The following NT5C3A variants were observed in gnomAD, a reference collection of about 807,000 sequenced individuals.
The protein encoded by NT5C3A is cytosolic 5'-nucleotidase 3A.
In NT5C3A, 23 loss-of-function variants were observed where a neutral mutation model predicts 40.0. That is an observed-to-expected ratio of 0.58 (90% CI 0.41 to 0.81). The LOEUF (loss-of-function observed/expected upper bound fraction) is 0.81, where lower values mean the gene tolerates loss of function less well. NT5C3A is among the 40% of genes least tolerant of loss of function. NT5C3A has a pLI of 0.00. For synonymous variants in NT5C3A, 130 were observed against 141.4 expected, an observed-to-expected ratio of 0.92 and a Z score of 0.57; for missense variants, 328 against 403.0, an observed-to-expected ratio of 0.81 and a Z score of 1.59.
chr7:33,048,062 A>T (rs1787224430), intron 1 of NT5C3A, among the ~76,000 whole-genome samples: 1 of 151,982 alleles, frequency 6.6e-6, no homozygotes, highest in African/African-American at 2.4e-5. Flanking sequence ...GTATTTAAAT[A>T]AACTTTTAGA....
At position 33,062,725 on chromosome 7, in the gene NT5C3A, G is replaced by A. The variant is rs1225527844; in HGVS notation, c.-20C>T. On this transcript the variant is annotated 5_prime_UTR_variant, in exon 1 of 9. It adds an upstream start codon to the 5' untranslated region. Transcript: ENST00000610140. ...GTCCATGGACGGGGCCCTCATGCGC[G>A]TCCAAGCAGGAAAAAAACAGGCAGC... 1.7e-5 allele frequency: 26 copies of A among 1,553,062 alleles called. No individual in the cohort carries two copies. Among genetic ancestry groups the A allele is most frequent in the Non-Finnish European group, 2.1e-5 (24 of 1,148,564 alleles).
intron 1 of NT5C3A, among the ~76,000 whole-genome samples, chr7:33,032,544 C>G (rs1162656094): frequency 6.6e-6 from 1 of 151,698 alleles, no homozygotes; most frequent in Non-Finnish European, 1.5e-5. Flanking sequence ...GCAACTTTCC[C>G]TCCTGGGCTC....
chr7:33,016,016 C>T (rs969227185), intron 7 of NT5C3A, 146 bp from the exon 8 acceptor site: 84 of 656,142 alleles, frequency 1.3e-4, no homozygotes, highest in Middle Eastern at 4.1e-4. Flanking sequence ...GCACTTAAGT[C>T]CATCACATTC....
intron 1 of NT5C3A, among the ~76,000 whole-genome samples, chr7:33,032,576 C>T (rs890866618): frequency 1.3e-5 from 2 of 151,630 alleles, no homozygotes; most frequent in African/African-American, 4.8e-5. Flanking sequence ...CCACCTCAGA[C>T]TCTCAAGTAA....
At chr7:33,039,557 TTTTTG>T (rs1243821124) in intron 1 of NT5C3A, among the ~76,000 whole-genome samples, 2 of 138,690 alleles carry the variant, frequency 1.4e-5, no homozygotes, top group Non-Finnish European at 3.1e-5. Flanking sequence ...AAGCTTGGGT[TTTTTG>T]TTTTTTTTTT....
At chr7:33,045,047 C>A (rs539457944) in intron 1 of NT5C3A, among the ~76,000 whole-genome samples, 1 of 152,306 alleles carries the variant, frequency 6.6e-6, no homozygotes, top group Non-Finnish European at 1.5e-5. Context: ...CTACTATAAT[C>A]CAATTACCTT....
At chr7:33,014,914 C>G (rs1002896781) in intron 8 of NT5C3A, 83 bp from the exon 9 acceptor site, 10 of 1,175,774 alleles carry the variant, frequency 8.5e-6, no homozygotes, top group Middle Eastern at 3.9e-4. Context: ...TGTTAGATCT[C>G]TTGGGCAAAA....
chr7:33,049,106 T>C (rs1021601900), intron 1 of NT5C3A, among the ~76,000 whole-genome samples: 3 of 152,224 alleles, frequency 2.0e-5, no homozygotes, highest in Admixed American at 1.3e-4. Context: ...CTTAGAATAG[T>C]ATACTGTTAG....
Position 33,030,239 on chromosome 7 carries a change from C to T in NT5C3A, c.139-3324G>A, listed in dbSNP as rs531501819. 3.9e-5 allele frequency among the ~76,000 whole-genome samples: 6 copies of T among 152,226 alleles called. No homozygotes were observed. The South Asian group carries it at 8.3e-4, about 21-fold the overall frequency. ...ATGTCAAAGAGTATCATAATATAAG[C>T]ACACTGTAGAAGTATGATGAAATAC... On this transcript the variant is annotated intron_variant, in intron 1 of 8. Transcript: ENST00000610140.
At chr7:33,032,709 A>T (rs1786349770) in intron 1 of NT5C3A, among the ~76,000 whole-genome samples, 1 of 150,934 alleles carries the variant, frequency 6.6e-6, no homozygotes, top group Non-Finnish European at 1.5e-5. Flanking sequence ...TGCCTGCCTC[A>T]GCATCCCAAA....
chr7:33,034,523 T>C (rs1786473659), intron 1 of NT5C3A, among the ~76,000 whole-genome samples: 1 of 152,226 alleles, frequency 6.6e-6, no homozygotes, highest in Admixed American at 6.5e-5. Flanking sequence ...TCAATTCCAA[T>C]GAATCAAGTG....
At chr7:33,036,911 A>C (rs1233165466) in intron 1 of NT5C3A, among the ~76,000 whole-genome samples, 1 of 152,086 alleles carries the variant, frequency 6.6e-6, no homozygotes, top group Non-Finnish European at 1.5e-5. Flanking sequence ...TCCCGGGTTC[A>C]AGTGATTCTC....
intron 7 of NT5C3A, 36 bp downstream of exon 7, chr7:33,017,403 A>G: frequency 1.4e-6 from 2 of 1,478,294 alleles, no homozygotes; most frequent in Non-Finnish European, 1.9e-6. Context: ...ATATTTTCAG[A>G]TTTTAAAATT....
chr7:33,016,872 T>C (rs1389744598), intron 7 of NT5C3A, among the ~76,000 whole-genome samples: 1 of 152,060 alleles, frequency 6.6e-6, no homozygotes, highest in South Asian at 2.1e-4. Context: ...TCAAAGTTGC[T>C]GCATTAAAAT....
At chr7:33,035,173 A>T (rs17170218) in intron 1 of NT5C3A, among the ~76,000 whole-genome samples, 47,560 of 148,662 alleles carry the variant, frequency 0.32, 7,799 homozygotes, top group Admixed American at 0.42. Flanking sequence ...GGGCTATAGA[A>T]GCTAATAAGG....
chr7:33,024,723 T>C (rs1267049536), intron 2 of NT5C3A, among the ~76,000 whole-genome samples: 1 of 152,160 alleles, frequency 6.6e-6, no homozygotes, highest in Non-Finnish European at 1.5e-5. Context: ...AAACAAAGAA[T>C]AAATATTAGA....
At chr7:33,043,454 G>A (rs1787015923) in intron 1 of NT5C3A, among the ~76,000 whole-genome samples, 1 of 152,138 alleles carries the variant, frequency 6.6e-6, no homozygotes, top group African/African-American at 2.4e-5. Context: ...TCCATAATCA[G>A]AAAATAAAGT....
At chr7:33,054,167 A>C (rs1348240727) in intron 1 of NT5C3A, among the ~76,000 whole-genome samples, 1 of 152,068 alleles carries the variant, frequency 6.6e-6, no homozygotes, top group African/African-American at 2.4e-5. Context: ...CCAGGTGGGC[A>C]ACATGGCAAA....
chr7:33,023,957 G>T, intron 3 of NT5C3A, 82 bp downstream of exon 3: 1 of 822,690 alleles, frequency 1.2e-6, no homozygotes. Flanking sequence ...TAAAAACCCA[G>T]TTATCTCACA....
Sources: gnomAD v4.1 joint callset for allele counts (sites outside exome capture counted in the v4.1 genomes callset) on GRCh38, gnomAD v4.1.1 for gene constraint, MANE v1.5 for transcripts, NCBI Gene and HGNC (gene_info 2026-07-23, HGNC 2026-07-21) for gene names.